The following COL10A1 variants were observed in gnomAD, a reference collection of about 807,000 sequenced individuals.
COL10A1 encodes the protein collagen alpha-1(X) chain.
In COL10A1, 10 loss-of-function variants were observed where a neutral mutation model predicts 18.2. That is an observed-to-expected ratio of 0.55 (90% CI 0.34 to 0.93). The LOEUF is 0.93. COL10A1 is among the 40% of genes least tolerant of loss of function. The pLI is 0.02. For missense variants in COL10A1, 897 were observed against 853.5 expected (o/e 1.05, Z -0.64); for synonymous variants, 330 against 316.6 (o/e 1.04, Z -0.45).
chr6:116,176,391 G>T, the COL10A1 span, among the ~76,000 whole-genome samples: 1 of 152,182 alleles, frequency 6.6e-6, no homozygotes, highest in Admixed American at 6.5e-5. Context: ...ATAGTTCTCT[G>T]TTCTGGCTCA....
intron 1 of COL10A1, among the ~76,000 whole-genome samples, chr6:116,151,514 C>A (rs958096287): frequency 6.6e-6 from 1 of 152,124 alleles, no homozygotes; most frequent in Non-Finnish European, 1.5e-5. Context: ...TTACATGCTG[C>A]TCCTTGTTTA....
chr6:116,163,798 A>G, the COL10A1 span, among the ~76,000 whole-genome samples: 1 of 152,052 alleles, frequency 6.6e-6, no homozygotes, highest in East Asian at 1.9e-4. Flanking sequence ...CCTAGATTTG[A>G]TATGTTACAT....
the COL10A1 span, among the ~76,000 whole-genome samples, chr6:116,191,819 C>T: frequency 1.9e-4 from 29 of 152,036 alleles, no homozygotes; most frequent in African/African-American, 7.0e-4. Context: ...TATTTGTATT[C>T]CCCAAACCTT....
the COL10A1 span, among the ~76,000 whole-genome samples, chr6:116,198,030 A>T: frequency 0.039 from 5,866 of 152,154 alleles, 154 homozygotes; most frequent in South Asian, 0.072. Context: ...GTCCTTCATC[A>T]GCTTGCTAGT....
chr6:116,124,387 T>C (rs1304099365), intron 2 of COL10A1, among the ~76,000 whole-genome samples: 2 of 152,168 alleles, frequency 1.3e-5, no homozygotes, highest in Admixed American at 6.5e-5. Flanking sequence ...TAAATAAAAT[T>C]AGTGAATATG....
At chr6:116,200,000 G>T in the COL10A1 span, among the ~76,000 whole-genome samples, 9 of 90,948 alleles carry the variant, frequency 9.9e-5, no homozygotes, top group Non-Finnish European at 1.6e-4. Flanking sequence ...TATGGAAAGT[G>T]GGGGGGGAAG....
the COL10A1 span, among the ~76,000 whole-genome samples, chr6:116,213,191 C>T: frequency 6.6e-6 from 1 of 152,018 alleles, no homozygotes; most frequent in Non-Finnish European, 1.5e-5. Flanking sequence ...GTGGGGGTCT[C>T]TCCTGTGGTT....
At chr6:116,150,359 A>G (rs1438564366) in intron 1 of COL10A1, among the ~76,000 whole-genome samples, 1 of 152,026 alleles carries the variant, frequency 6.6e-6, no homozygotes, top group Non-Finnish European at 1.5e-5. Flanking sequence ...GTCTTGGCTC[A>G]CTGCAACCTC....
At chr6:116,183,275 G>A in the COL10A1 span, among the ~76,000 whole-genome samples, 4 of 151,878 alleles carry the variant, frequency 2.6e-5, no homozygotes, top group Non-Finnish European at 5.9e-5. Context: ...TGGTGATTAT[G>A]GCCTTATAGT....
upstream of COL10A1, among the ~76,000 whole-genome samples, chr6:116,127,133 G>A (rs1779337824): frequency 6.6e-6 from 1 of 152,124 alleles, no homozygotes; most frequent in Non-Finnish European, 1.5e-5. Context: ...TCCATACACA[G>A]GCATAGACAC....
the COL10A1 span, among the ~76,000 whole-genome samples, chr6:116,183,885 C>T: frequency 6.6e-6 from 1 of 151,902 alleles, no homozygotes; most frequent in African/African-American, 2.4e-5. Flanking sequence ...TTTGGATACC[C>T]TTTAGTTCTT....
At chr6:116,157,330 G>A (rs1780221455) in intron 1 of COL10A1, among the ~76,000 whole-genome samples, 1 of 152,108 alleles carries the variant, frequency 6.6e-6, no homozygotes. Context: ...CTTGGTTAGT[G>A]GAACCCTAGA....
In COL10A1 at chr6:116,120,888, C is replaced by G. The variant is rs756194166; in HGVS notation, c.1228G>C (p.Gly410Arg). Residue 410 changes from glycine (G) to arginine (R), a missense_variant, in exon 3 of 3, where the codon GGT becomes CGT. Gly to Arg is a moderately radical substitution (Grantham distance 125, BLOSUM62 -2). Transcript: ENST00000651968. ...GGAGGTCCTCCAACTCCAGGATCACCTTTTGGACCTGGTAACCCTGGGTTA... is the reference window on the plus strand; with the variant it reads ...GGAGGTCCTCCAACTCCAGGATCACGTTTTGGACCTGGTAACCCTGGGTTA... Reference protein sequence around the residue: ...KGNPGLPGPKGDPGVGGPPGL... With the variant: ...KGNPGLPGPKRDPGVGGPPGL... 1.2e-6 allele frequency: 2 copies of G among 1,614,006 alleles called. No homozygotes were observed. The highest frequency in any genetic ancestry group is 4.5e-5 in the East Asian group (2 of 44,866).
chr6:116,199,054 A>G, the COL10A1 span, among the ~76,000 whole-genome samples: 1 of 152,034 alleles, frequency 6.6e-6, no homozygotes, highest in South Asian at 2.1e-4. Flanking sequence ...ACTGGCCTCT[A>G]TCCACTAGAT....
rs773160959 is a variant in COL10A1 at position 116,121,259 on chromosome 6, G to A, written c.857C>T (p.Ala286Val). ...CCCTGGGGGCCCAGCTATTCCTGGAGCCCCAGGGAGACCTTTTGTTCCTGG... is the reference window on the plus strand; with the variant it reads ...CCCTGGGGGCCCAGCTATTCCTGGAACCCCAGGGAGACCTTTTGTTCCTGG... ...GIPGTKGLPG[A>V]PGIAGPPGPP... Residue 286 changes from alanine (A) to valine (V), a missense_variant, in exon 3 of 3, where the codon GCT becomes GTT. Transcript: ENST00000651968. 6.2e-7 allele frequency: 1 copy of A among 1,613,796 alleles called. No individual in the cohort carries two copies. The highest frequency in any genetic ancestry group is 1.1e-5 in the South Asian group (1 of 91,068).
At chr6:116,170,330 G>A in the COL10A1 span, among the ~76,000 whole-genome samples, 1 of 151,972 alleles carries the variant, frequency 6.6e-6, no homozygotes, top group Non-Finnish European at 1.5e-5. Flanking sequence ...CAAAAGAAAG[G>A]GTTCATAGAG....
intron 1 of COL10A1, chr6:116,145,477 CA>C: frequency 2.6e-6 from 1 of 379,490 alleles, no homozygotes; most frequent in South Asian, 2.0e-5. Flanking sequence ...GATATATCTA[CA>C]AGTTTCATAC....
chr6:116,133,176 A>G (rs547166716), intron 1 of COL10A1, among the ~76,000 whole-genome samples: 2 of 152,292 alleles, frequency 1.3e-5, no homozygotes, highest in African/African-American at 2.4e-5. Flanking sequence ...CCTGCTTTCC[A>G]TAGTAACCCA....
In COL10A1 at chr6:116,152,160, T is replaced by G. The variant is rs537311296; in HGVS notation, c.-16+6454A>C. On this transcript the variant is annotated intron_variant, in intron 1 of 1. Coordinates refer to the COL10A1 transcript ENST00000418500. The stretch of plus-strand genomic sequence containing the variant: ...TGCAGTGCCTTCGTTTTCATTATAC[T>G]TTCAGTATGGTTGACTTCTTAAACT... Among the ~76,000 whole-genome samples, 4 of 152,328 alleles carry G rather than the reference T, an allele frequency of 2.6e-5. No homozygotes were observed. In the South Asian group the frequency reaches 8.3e-4, roughly 32 times the overall value.
Sources: gnomAD v4.1 joint callset for allele counts (sites outside exome capture counted in the v4.1 genomes callset) on GRCh38, gnomAD v4.1.1 for gene constraint, MANE v1.5 for transcripts, NCBI Gene and HGNC (gene_info 2026-07-23, HGNC 2026-07-21) for gene names.